DNAI4: variants seen among roughly 807,000 people sequenced by gnomAD.
DNAI4 encodes WD repeat domain 78.
DNAI4 carries 85 observed loss-of-function variants against 105.8 expected under a neutral mutation model. The observed-to-expected ratio is 0.80, with a 90% CI of 0.67 to 0.96. DNAI4 has a LOEUF of 0.96. DNAI4 is among the 40% of genes least tolerant of loss of function. The pLI is 0.00. For synonymous variants in DNAI4, 352 were observed against 331.5 expected, an observed-to-expected ratio of 1.06 and a Z score of -0.67; for missense variants, 1,014 against 1,005.6, an observed-to-expected ratio of 1.01 and a Z score of -0.11.
chr1:66,843,834 G>C (rs1557917180), intron 8 of DNAI4, among the ~76,000 whole-genome samples: 1 of 151,894 alleles, frequency 6.6e-6, no homozygotes, highest in African/African-American at 2.4e-5. Context: ...CTATTACTAG[G>C]CTCTCTATTC....
At chr1:66,843,531 T>C (rs528556551) in intron 8 of DNAI4, among the ~76,000 whole-genome samples, 2 of 152,336 alleles carry the variant, frequency 1.3e-5, no homozygotes, top group Non-Finnish European at 2.9e-5. Context: ...AAGTTTTTAA[T>C]CTTAATGAGG....
intron 6 of DNAI4, among the ~76,000 whole-genome samples, chr1:66,864,950 A>G (rs1646701742): frequency 6.6e-6 from 1 of 152,200 alleles, no homozygotes; most frequent in Non-Finnish European, 1.5e-5. Context: ...GGGGCTTCTA[A>G]TCAACTGGGG....
At chr1:66,822,555 T>C (rs748459582) in intron 15 of DNAI4, 38 bp from the exon 16 acceptor site, 2 of 1,481,400 alleles carry the variant, frequency 1.4e-6, no homozygotes, top group African/African-American at 1.4e-5. Flanking sequence ...TCAATTGTTA[T>C]ATTAATATGG....
At chr1:66,847,417 C>T in intron 8 of DNAI4, 67 bp downstream of exon 8, 26 of 1,477,826 alleles carry the variant, frequency 1.8e-5, no homozygotes, top group Non-Finnish European at 2.4e-5. Context: ...CTCAGCCTCC[C>T]AAAGTACTGG....
At chr1:66,855,341 G>A (rs1243938257) in intron 7 of DNAI4, among the ~76,000 whole-genome samples, 1 of 152,160 alleles carries the variant, frequency 6.6e-6, no homozygotes, top group Non-Finnish European at 1.5e-5. Context: ...GTAGTTCATG[G>A]CATGAAATGC....
rs951152406 is a variant in DNAI4 at position 66,856,271 on chromosome 1, C to T, written c.1096+5876G>A. ...GATCACGAGGTCAGGAGATCCAAAC[C>T]ATCCTGGCTAATATGGTGAAACCCC... On this transcript the variant is annotated intron_variant, in intron 7 of 16. Coordinates refer to ENST00000371026, the MANE Select transcript of DNAI4 (RefSeq NM_024763.5). Among the ~76,000 whole-genome samples, 19 of 151,506 alleles carry T rather than the reference C, an allele frequency of 1.3e-4. 1 individual carries two copies. The highest frequency in any genetic ancestry group is 4.4e-4 in the African/African-American group (18 of 41,218).
chr1:66,814,377 C>T (rs1553206956), intron 16 of DNAI4, among the ~76,000 whole-genome samples, 197 bp from the exon 17 acceptor site: 2 of 148,738 alleles, frequency 1.3e-5, no homozygotes, highest in Non-Finnish European at 3.0e-5. Flanking sequence ...ATGAAAGGCT[C>T]TTTTTTTTTT....
Position 66,847,514 on chromosome 1 carries a change from C to A in DNAI4, c.1261G>T (p.Ala421Ser). The change falls in exon 8 of 17, where the codon GCA becomes TCA. Residue 421 changes from alanine to serine, a missense_variant. Physicochemically the swap from Ala to Ser is moderately conservative, Grantham distance 99. Coordinates refer to ENST00000371026, the MANE Select transcript of DNAI4 (RefSeq NM_024763.5). ...LMENIFQPKL[A>S]AYRQLPVLKE... ...AAAACAGGAAGCTGACGATAAGCTGCAAGTTTGGGCTGAAATATATTTTCC... is the reference window on the plus strand; with the variant it reads ...AAAACAGGAAGCTGACGATAAGCTGAAAGTTTGGGCTGAAATATATTTTCC... 2 of 1,612,966 alleles carry A rather than the reference C, an allele frequency of 1.2e-6. No homozygotes were observed. Among genetic ancestry groups the A allele is most frequent in the Non-Finnish European group, 1.7e-6 (2 of 1,179,768 alleles).
intron 6 of DNAI4, among the ~76,000 whole-genome samples, chr1:66,869,393 A>G (rs1455252930): frequency 6.6e-6 from 1 of 152,088 alleles, no homozygotes; most frequent in Non-Finnish European, 1.5e-5. Context: ...AGTTACATAC[A>G]GTAATCCATT....
rs763432375 is a variant in DNAI4, at chr1:66,891,411, T to C, written c.531-145A>G. 211 of 569,100 alleles carry C rather than the reference T, an allele frequency of 3.7e-4. 1 individual carries two copies. The highest frequency in any genetic ancestry group is 5.9e-4 in the Non-Finnish European group (194 of 326,782). 35.3% of individuals were successfully genotyped at this position (569,100 alleles called of 1,614,324 possible). ...AATAGATACATTAATTTTTAAATAATGAGTTGGTTTTTAATATTTCTTAAA... is the reference window on the plus strand; with the variant it reads ...AATAGATACATTAATTTTTAAATAACGAGTTGGTTTTTAATATTTCTTAAA... On this transcript the variant is annotated intron_variant, in intron 3 of 16. Coordinates refer to ENST00000371026, the MANE Select transcript of DNAI4 (RefSeq NM_024763.5).
chr1:66,873,122 G>A (rs1212588025), intron 5 of DNAI4, among the ~76,000 whole-genome samples: 2 of 151,548 alleles, frequency 1.3e-5, no homozygotes, highest in Non-Finnish European at 2.9e-5. Context: ...ATAGTCTTCA[G>A]GATCTATACC....
At chr1:66,863,939 C>G (rs1158996287) in intron 6 of DNAI4, among the ~76,000 whole-genome samples, 2 of 152,156 alleles carry the variant, frequency 1.3e-5, no homozygotes, top group Non-Finnish European at 2.9e-5. Flanking sequence ...CTGAATTACT[C>G]AACTTTCTTT....
intron 7 of DNAI4, among the ~76,000 whole-genome samples, chr1:66,850,854 A>C (rs1646381790): frequency 6.6e-6 from 1 of 151,976 alleles, no homozygotes; most frequent in Non-Finnish European, 1.5e-5. Context: ...TAAACTCAAA[A>C]CACTACAGGT....
chr1:66,881,860 A>T (rs955047815), intron 4 of DNAI4, among the ~76,000 whole-genome samples: 1 of 152,224 alleles, frequency 6.6e-6, no homozygotes, highest in Non-Finnish European at 1.5e-5. Flanking sequence ...TAACTCCCAC[A>T]ATTCCATGTC....
intron 7 of DNAI4, among the ~76,000 whole-genome samples, chr1:66,859,501 T>C (rs1468082283): frequency 1.8e-4 from 27 of 152,166 alleles, no homozygotes; most frequent in Admixed American, 1.8e-3. Context: ...TGCACATGAA[T>C]GTTTATAACC....
chr1:66,889,440 G>A (rs149328162), intron 4 of DNAI4, among the ~76,000 whole-genome samples: 2,336 of 152,084 alleles, frequency 0.015, 43 homozygotes, highest in Non-Finnish European at 0.018. Flanking sequence ...ATAGCAGAAC[G>A]GCCAATCCAA....
Position 66,840,690 on chromosome 1 carries a change from A to G in DNAI4, c.1292-19T>C. 1 of 1,613,482 alleles carries G rather than the reference A, an allele frequency of 6.2e-7. No homozygotes were observed. The highest frequency in any genetic ancestry group is 1.7e-5 in the Admixed American group (1 of 59,936). ...TCAGGTTCTAAAGTTTAAACAAATA[A>G]AAAGATCATTGTCCTCTACATCTAT... On this transcript the variant is annotated intron_variant, in intron 8 of 16. Transcript: ENST00000371026.
intron 7 of DNAI4, among the ~76,000 whole-genome samples, chr1:66,860,125 TA>T (rs1646593937): frequency 1.3e-5 from 2 of 152,096 alleles, no homozygotes; most frequent in African/African-American, 4.8e-5. Context: ...AATTTTTCTG[TA>T]AATCTAAAAC....
rs754850448 is a variant in DNAI4 at position 66,862,222 on chromosome 1, C to G, written c.1021G>C (p.Val341Leu). ...LVSLSVKQSV[V>L]ESSSKANVLP... ...ACATTTGCTTTACTACTTGACTCAA[C>G]CACAGATTGTTTTACTGATAAAGAT... The change falls in exon 7 of 17, where the codon GTT (valine) becomes CTT (leucine). Residue 341 changes from valine to leucine, a missense_variant. By Grantham distance (32) the Val-to-Leu change is conservative. Coordinates refer to ENST00000371026, the MANE Select transcript of DNAI4 (RefSeq NM_024763.5). 1 of 1,610,012 alleles carries G rather than the reference C, an allele frequency of 6.2e-7. No individual in the cohort carries two copies. Among genetic ancestry groups the G allele is most frequent in the Non-Finnish European group, 8.5e-7 (1 of 1,178,622 alleles).
Sources: allele counts gnomAD v4.1 joint callset (sites outside exome capture counted in the v4.1 genomes callset), GRCh38; gene constraint gnomAD v4.1.1; transcripts MANE v1.5; gene names NCBI Gene and HGNC (gene_info 2026-07-23, HGNC 2026-07-21).